Variants in AMMECR1 observed in about 807,000 individuals in gnomAD.
AMMECR1 encodes the protein nuclear protein AMMECR1.
A neutral mutation model predicts 22.5 loss-of-function variants in AMMECR1; 3 were observed. The ratio of observed to expected loss-of-function variants is 0.13; its 90% CI spans 0.06 to 0.35. AMMECR1 has a LOEUF of 0.35. Ranked by LOEUF, AMMECR1 falls within the 10% of genes least tolerant of loss-of-function variation. The probability of loss-of-function intolerance (pLI) is 1.00; values close to 1 mark genes in which losing one functional copy is unlikely to be tolerated. For synonymous variants in AMMECR1, 130 were observed against 116.7 expected (o/e 1.11, Z -0.74); for missense variants, 235 against 278.7 (o/e 0.84, Z 1.12).
Position 110,342,578 on chromosome X carries a change from G to A in AMMECR1, c.-147-24729C>T, listed in dbSNP as rs1212889996. 5.4e-5 allele frequency among the ~76,000 whole-genome samples: 6 copies of A among 110,961 alleles called. No individual in the cohort carries two copies. The Admixed American group carries it at 5.8e-4, about 11-fold the overall frequency. ...GTAGAGACGGGGTTTCACCATGTTG[G>A]TCAGGATGGTCTCAAACTCCTGACT... On this transcript the variant is annotated intron_variant, in intron 2 of 7. Coordinates refer to the AMMECR1 transcript ENST00000372057.
chrX:110,385,932 T>A (rs1272992574), intron 2 of AMMECR1, among the ~76,000 whole-genome samples: 1 of 112,241 alleles, frequency 8.9e-6, no homozygotes, highest in African/African-American at 3.2e-5. Context: ...TTTTTAAGGT[T>A]CATCCATGTT....
intron 2 of AMMECR1, among the ~76,000 whole-genome samples, chrX:110,346,010 T>C (rs995706998): frequency 8.9e-6 from 1 of 112,131 alleles, no homozygotes; most frequent in Non-Finnish European, 1.9e-5. Flanking sequence ...ATGTCTATGA[T>C]AGATAATAAA....
At chrX:110,246,746 C>T (rs1000964017) in intron 2 of AMMECR1, among the ~76,000 whole-genome samples, 1 of 112,324 alleles carries the variant, frequency 8.9e-6, no homozygotes, top group African/African-American at 3.2e-5. Context: ...AACAGTAACT[C>T]TGGGGAGTTA....
Position 110,317,666 on chromosome X carries a change from C to T in AMMECR1, c.406G>A (p.Asp136Asn). The T allele has an allele frequency of 8.3e-7, 1 of 1,209,299 alleles. No homozygotes were observed. Among genetic ancestry groups the T allele is most frequent in the Non-Finnish European group, 1.1e-6 (1 of 894,281 alleles). ...CCATACAGGTGACAGTAGAGCACAT[C>T]GAAGCAAAAGCAGCACATCTCTGCT... ...VSAEMCCFCF[D>N]VLYCHLYGYQ... Residue 136 changes from aspartate to asparagine, a missense_variant, in exon 1 of 6, where the codon GAT becomes AAT. This residue lies in a region of AMMECR1 where 111 missense variants were observed against 181.7 expected (regional missense o/e 0.61). Transcript: ENST00000262844.
At chrX:110,297,741 T>C (rs978584000) in intron 1 of AMMECR1, among the ~76,000 whole-genome samples, 17 of 111,580 alleles carry the variant, frequency 1.5e-4, no homozygotes, top group Non-Finnish European at 3.2e-4. Flanking sequence ...CTTACTCCAA[T>C]ATTCCAGAAA....
chrX:110,264,373 C>A lies in AMMECR1; in HGVS notation c.584+116G>T, dbSNP rs1424157374. ...GGTTAAAGACAAAGGAAAAACCTGA[C>A]ATGAAGGAAGACAAGAACGTTGACA... On this transcript the variant is annotated intron_variant, in intron 2 of 5. Transcript: ENST00000262844. 3 of 447,314 alleles carry A rather than the reference C, an allele frequency of 6.7e-6. No homozygotes were observed. In the East Asian group the frequency reaches 1.1e-4, roughly 16 times the overall value. 36.9% of individuals were successfully genotyped at this position (447,314 alleles called of 1,213,427 possible).
chrX:110,417,996 A>G (rs1410296274), intron 2 of AMMECR1, among the ~76,000 whole-genome samples: 1 of 112,775 alleles, frequency 8.9e-6, no homozygotes, highest in Non-Finnish European at 1.9e-5. Context: ...CAAAAGCTTC[A>G]TGCCAGAGAT....
intron 2 of AMMECR1, among the ~76,000 whole-genome samples, chrX:110,339,609 G>A (rs192239130): frequency 0.018 from 1,987 of 110,385 alleles, 45 homozygotes; most frequent in African/African-American, 0.062. Flanking sequence ...CGATTCTCCT[G>A]CCTCAGCCTC....
chrX:110,327,466 G>C (rs1289960944), intron 2 of AMMECR1, among the ~76,000 whole-genome samples: 1 of 111,515 alleles, frequency 9.0e-6, no homozygotes, highest in Non-Finnish European at 1.9e-5. Context: ...GAATAGAGAA[G>C]TGTCTATTAT....
At chrX:110,314,870 ATAAC>A (rs1167353115) in intron 1 of AMMECR1, among the ~76,000 whole-genome samples, 1 of 111,952 alleles carries the variant, frequency 8.9e-6, no homozygotes, top group Non-Finnish European at 1.9e-5. Context: ...GAGTGGAAGG[ATAAC>A]TAACTGATGG....
intron 2 of AMMECR1, among the ~76,000 whole-genome samples, chrX:110,329,928 G>T (rs1308910443): frequency 9.0e-6 from 1 of 111,644 alleles, no homozygotes; most frequent in African/African-American, 3.3e-5. Flanking sequence ...TTTTCCGTGG[G>T]ACAGTTTGTA....
chrX:110,426,318 C>T (rs141129994), intron 2 of AMMECR1, among the ~76,000 whole-genome samples: 95 of 111,748 alleles, frequency 8.5e-4, no homozygotes, highest in African/African-American at 2.7e-3. Flanking sequence ...AACCCTCCCA[C>T]GATACAAAAG....
Position 110,198,518 on chromosome X carries a change from T to A in AMMECR1, c.*2A>T. Reference sequence around the variant, plus strand: ...CCCAGTGACTGGTTGTGCGGCTCAGTGTCAGGAATAATGGTTGTATGGCGG... The same window carrying A: ...CCCAGTGACTGGTTGTGCGGCTCAGAGTCAGGAATAATGGTTGTATGGCGG... On this transcript the variant is annotated 3_prime_UTR_variant, in exon 6 of 6. Coordinates refer to ENST00000262844, the MANE Select transcript of AMMECR1 (RefSeq NM_015365.3). The A allele has an allele frequency of 8.6e-7, 1 of 1,159,437 alleles. No individual in the cohort carries two copies. Among genetic ancestry groups the A allele is most frequent in the Non-Finnish European group, 1.2e-6 (1 of 861,254 alleles).
intron 2 of AMMECR1, among the ~76,000 whole-genome samples, chrX:110,254,970 G>A (rs1415707984): frequency 8.9e-6 from 1 of 111,842 alleles, no homozygotes; most frequent in East Asian, 2.8e-4. Flanking sequence ...CTCAATGGCA[G>A]TGTCTGTCTG....
intron 2 of AMMECR1, among the ~76,000 whole-genome samples, chrX:110,231,572 T>A (rs1417017682): frequency 8.9e-6 from 1 of 112,029 alleles, no homozygotes; most frequent in East Asian, 2.8e-4. Context: ...TGCCAAATTG[T>A]AAAGACCATC....
chrX:110,305,883 TGA>T (rs2067991355), intron 1 of AMMECR1, among the ~76,000 whole-genome samples: 2 of 109,339 alleles, frequency 1.8e-5, no homozygotes, highest in Admixed American at 2.0e-4. Flanking sequence ...CTCGGGAGGT[TGA>T]GACAGGAGAA....
At chrX:110,341,753 T>C (rs1031663727) in intron 2 of AMMECR1, among the ~76,000 whole-genome samples, 19 of 112,404 alleles carry the variant, frequency 1.7e-4, no homozygotes, top group African/African-American at 5.5e-4. Context: ...AAAGAAAAGC[T>C]GTAAAGTGCT....
chrX:110,222,622 A>G (rs1183840929), intron 2 of AMMECR1, among the ~76,000 whole-genome samples: 2 of 101,371 alleles, frequency 2.0e-5, no homozygotes, highest in Admixed American at 1.0e-4. Flanking sequence ...CCAATTCTGG[A>G]AAAAAAAAAA....
chrX:110,306,689 CTCAGGTGA>C, intron 1 of AMMECR1: 1 of 111,573 alleles, frequency 9.0e-6, no homozygotes, highest in Middle Eastern at 4.7e-3. Context: ...AACTCCCTAC[CTCAGGTGA>C]TCCGCCCGCC....
Sources: allele counts gnomAD v4.1 joint callset (sites outside exome capture counted in the v4.1 genomes callset), GRCh38; gene constraint gnomAD v4.1.1; regional missense constraint gnomAD v4.1.1; transcripts MANE v1.5; gene names NCBI Gene and HGNC (gene_info 2026-07-23, HGNC 2026-07-21).